Variants in C1orf185 observed in about 807,000 individuals in gnomAD.
C1orf185 encodes the protein uncharacterized protein C1orf185.
In C1orf185, 13 loss-of-function variants were observed where a neutral mutation model predicts 16.1. That is an observed-to-expected ratio of 0.81 (90% confidence interval 0.53 to 1.28). The LOEUF (loss-of-function observed/expected upper bound fraction) is 1.28, where lower values mean the gene tolerates loss of function less well. C1orf185 is among the 50% of genes most tolerant of loss of function. The pLI is 0.00. For missense variants in C1orf185, 220 were observed against 225.2 expected (o/e 0.98, Z 0.15); for synonymous variants, 80 against 76.9 (o/e 1.04, Z -0.21).
rs35232347 is a variant in C1orf185 at position 51,111,370 on chromosome 1, C to CTTTTTTTTTTTT, written c.17-1091_17-1090insTTTTTTTTTTTT. On this transcript the variant is annotated intron_variant, in intron 1 of 4. Coordinates refer to ENST00000371759, the MANE Select transcript of C1orf185 (RefSeq NM_001136508.2). ...ATATTGCTTTCATTTAGCTTTCTTT[C>CTTTTTTTTTTTT]TTTCTTTTTTTTTTTTTTTGAGAGA... Among the ~76,000 whole-genome samples the CTTTTTTTTTTTT allele has an allele frequency of 3.2e-3, 371 of 114,234 alleles. 20 individuals carry two copies. Among genetic ancestry groups the CTTTTTTTTTTTT allele is most frequent in the African/African-American group, 7.8e-3 (213 of 27,242 alleles). The allele number at this position is 114,234 out of a possible 152,430, so 74.9% of individuals were successfully genotyped here.
Position 51,121,840 on chromosome 1 carries a change from TA to T in C1orf185, c.258+3044del, listed in dbSNP as rs745670042. ...GATTTTTTATACTCACTACCCAGAA[TA>T]AAAATAGAATGTTACCAGTACCTTT... is the stretch of plus-strand genomic sequence containing the variant. On this transcript the variant is annotated intron_variant, in intron 3 of 4. Transcript: ENST00000371759. 9.9e-5 allele frequency among the ~76,000 whole-genome samples: 15 copies of T among 152,240 alleles called. No homozygotes were observed. In the East Asian group the frequency reaches 2.7e-3, roughly 27 times the overall value.
chr1:51,131,388 A>G (rs1382591770), intron 3 of C1orf185, among the ~76,000 whole-genome samples: 1 of 152,046 alleles, frequency 6.6e-6, no homozygotes, highest in Non-Finnish European at 1.5e-5. Context: ...TCCTTTCTCC[A>G]TTTTAGTCAG....
At chr1:51,108,654 C>G (rs1164994241) in intron 1 of C1orf185, among the ~76,000 whole-genome samples, 3 of 152,108 alleles carry the variant, frequency 2.0e-5, no homozygotes, top group Non-Finnish European at 4.4e-5. Context: ...TTTTAAGCTC[C>G]CACATATGAA....
chr1:51,115,300 TGCAC>T (rs766353105), intron 2 of C1orf185, among the ~76,000 whole-genome samples: 1 of 152,218 alleles, frequency 6.6e-6, no homozygotes, highest in Non-Finnish European at 1.5e-5. Flanking sequence ...ATTGTGCCAC[TGCAC>T]TCGAGCCTGG....
intron 3 of C1orf185, among the ~76,000 whole-genome samples, chr1:51,134,013 C>A (rs1332858790): frequency 1.3e-5 from 2 of 151,978 alleles, no homozygotes; most frequent in Non-Finnish European, 2.9e-5. Flanking sequence ...ACCTGGGAGG[C>A]AGAGGTTGCA....
At chr1:51,112,439 A>C in intron 1 of C1orf185, 25 bp from the exon 2 acceptor site, 3 of 1,489,722 alleles carry the variant, frequency 2.0e-6, no homozygotes, top group Non-Finnish European at 2.7e-6. Flanking sequence ...TGCATGAAAT[A>C]ATCTTTTGTA....
chr1:51,106,409 G>A (rs1440604200), intron 1 of C1orf185, among the ~76,000 whole-genome samples: 1 of 151,470 alleles, frequency 6.6e-6, no homozygotes, highest in Admixed American at 6.6e-5. Flanking sequence ...ATTATGTTAT[G>A]TCTATATTTT....
At chr1:51,111,374 C>CTTTTTTTTT (rs11414730) in intron 1 of C1orf185, among the ~76,000 whole-genome samples, 3,707 of 132,856 alleles carry the variant, frequency 0.028, 211 homozygotes, top group African/African-American at 0.1. Context: ...TTCTTTCTTT[C>CTTTTTTTTT]TTTTTTTTTT....
intron 3 of C1orf185, among the ~76,000 whole-genome samples, chr1:51,121,441 CAA>C (rs1646196837): frequency 6.6e-6 from 1 of 152,112 alleles, no homozygotes; most frequent in African/African-American, 2.4e-5. Context: ...TCACAAATGA[CAA>C]AGTTTCCTTC....
chr1:51,136,899 T>C (rs993111073), intron 3 of C1orf185, among the ~76,000 whole-genome samples: 1 of 151,990 alleles, frequency 6.6e-6, no homozygotes, highest in Non-Finnish European at 1.5e-5. Context: ...AAAGCAAAAA[T>C]TGACAAATGG....
rs1472909335 is a variant in C1orf185, at chr1:51,104,299, T to A, written c.16+2050T>A. 3.9e-5 allele frequency among the ~76,000 whole-genome samples: 6 copies of A among 152,308 alleles called. No homozygotes were observed. The East Asian group carries it at 1.2e-3, about 29-fold the overall frequency. The stretch of plus-strand genomic sequence containing the variant: ...AATACTCAAAAATAAAAGCAGGACT[T>A]ATAGTTCAGGAAACATTGCAAAAAA... On this transcript the variant is annotated intron_variant, in intron 1 of 4. Coordinates refer to ENST00000371759, the MANE Select transcript of C1orf185 (RefSeq NM_001136508.2).
intron 3 of C1orf185, among the ~76,000 whole-genome samples, chr1:51,136,090 C>T (rs1349798580): frequency 6.6e-6 from 1 of 152,122 alleles, no homozygotes; most frequent in Non-Finnish European, 1.5e-5. Flanking sequence ...CCTAGGAATG[C>T]AGCTAATCAG....
chr1:51,119,518 A>G (rs900184954), intron 3 of C1orf185, among the ~76,000 whole-genome samples: 1 of 152,242 alleles, frequency 6.6e-6, no homozygotes, highest in Non-Finnish European at 1.5e-5. Context: ...CTGGCTGGCC[A>G]TGGCAGCTCA....
intron 4 of C1orf185, among the ~76,000 whole-genome samples, chr1:51,147,167 A>G (rs1646406048): frequency 6.6e-6 from 1 of 152,192 alleles, no homozygotes; most frequent in Non-Finnish European, 1.5e-5. Flanking sequence ...TTATACCAGT[A>G]TTGTTAAAAT....
At chr1:51,110,310 A>G (rs1570288879) in intron 1 of C1orf185, among the ~76,000 whole-genome samples, 1 of 152,218 alleles carries the variant, frequency 6.6e-6, no homozygotes, top group Non-Finnish European at 1.5e-5. Flanking sequence ...TTTTTCATAT[A>G]TAGCATCATT....
At chr1:51,112,360 T>G (rs774815556) in intron 1 of C1orf185, 104 bp from the exon 2 acceptor site, 26 of 902,070 alleles carry the variant, frequency 2.9e-5, no homozygotes, top group Non-Finnish European at 3.9e-5. Context: ...CTGGTTAATG[T>G]CTTAACACTA....
chr1:51,110,708 C>A (rs1646110040), intron 1 of C1orf185, among the ~76,000 whole-genome samples: 1 of 152,138 alleles, frequency 6.6e-6, no homozygotes. Context: ...ATGGCTTATG[C>A]CTGTAATCCC....
chr1:51,102,841 A>G (rs1034003706), intron 1 of C1orf185, among the ~76,000 whole-genome samples: 5 of 151,918 alleles, frequency 3.3e-5, no homozygotes, highest in Admixed American at 3.3e-4. Context: ...TTCTTTTCTA[A>G]TATATGCATT....
In C1orf185 at chr1:51,110,016, C is replaced by G. The variant is rs1400001303; in HGVS notation, c.17-2448C>G. On this transcript the variant is annotated intron_variant, in intron 1 of 4. Transcript: ENST00000371759. ...TTAACATCTATACTTAACTGTTTTTCTAAAAATAAAAATCTAAAGATATTC... is the reference window on the plus strand; with the variant it reads ...TTAACATCTATACTTAACTGTTTTTGTAAAAATAAAAATCTAAAGATATTC... 3.9e-5 allele frequency among the ~76,000 whole-genome samples: 6 copies of G among 152,028 alleles called. No individual in the cohort carries two copies. In the East Asian group the frequency reaches 9.6e-4, roughly 24 times the overall value.
Sources: gnomAD v4.1 joint callset for allele counts (sites outside exome capture counted in the v4.1 genomes callset) on GRCh38, gnomAD v4.1.1 for gene constraint, MANE v1.5 for transcripts, NCBI Gene and HGNC (gene_info 2026-07-23, HGNC 2026-07-21) for gene names.